Variants in PPTC7 observed in about 807,000 individuals in gnomAD.
PPTC7 encodes protein phosphatase PTC7 homolog.
Under a neutral mutation model 30.8 loss-of-function variants are expected in PPTC7, and 6 were observed. The ratio of observed to expected loss-of-function variants is 0.19; its 90% confidence interval spans 0.11 to 0.38. The LOEUF is 0.38. Among genes scored for constraint, PPTC7 ranks in the 10% least tolerant of loss-of-function variants. The pLI, the probability that PPTC7 is intolerant of heterozygous loss-of-function variation, is 1.00. For missense variants in PPTC7, 218 were observed against 404.8 expected, an observed-to-expected ratio of 0.54 and a Z score of 3.96; for synonymous variants, 163 against 168.1, an observed-to-expected ratio of 0.97 and a Z score of 0.23.
In PPTC7 at chr12:110,546,002, G is replaced by A; in HGVS notation, c.480C>T (p.Gly160=). ...CTTCACCACCCCTGACAACCAGGAA[G>A]CCTGAATCGCCCAGGTTTGCTGTGT... ...RLHTANLGDS[G]FLVVRGGEVV... Residue 160 remains glycine (G), a synonymous_variant, in exon 3 of 6, where the codon GGC becomes GGT. Transcript: ENST00000354300. 6.2e-7 allele frequency: 1 copy of A among 1,614,236 alleles called. No individual in the cohort carries two copies. The highest frequency in any genetic ancestry group is 8.5e-7 in the Non-Finnish European group (1 of 1,180,048).
chr12:110,540,779 C>CTT (rs781591348), intron 3 of PPTC7, among the ~76,000 whole-genome samples: 124 of 142,186 alleles, frequency 8.7e-4, no homozygotes, highest in African/African-American at 2.6e-3. Flanking sequence ...ACATGCCAAT[C>CTT]TTTTTTTTTT....
intron 1 of PPTC7, 105 bp from the exon 2 acceptor site, chr12:110,552,073 A>C (rs904162036): frequency 2.4e-6 from 2 of 841,250 alleles, no homozygotes; most frequent in Non-Finnish European, 3.7e-6. Context: ...ATGCTACTAC[A>C]TACATTCACT....
intron 4 of PPTC7, among the ~76,000 whole-genome samples, chr12:110,539,328 T>C (rs1002248252): frequency 1.3e-5 from 2 of 152,230 alleles, no homozygotes; most frequent in African/African-American, 4.8e-5. Context: ...GACTCATTTT[T>C]CCCAGAGTAT....
intron 1 of PPTC7, among the ~76,000 whole-genome samples, chr12:110,573,458 C>T (rs1187375732): frequency 2.6e-5 from 4 of 152,304 alleles, no homozygotes; most frequent in African/African-American, 9.6e-5. Flanking sequence ...CTATTAAAAA[C>T]TCCATTTGCA....
At chr12:110,544,595 G>T (rs1565917688) in intron 3 of PPTC7, among the ~76,000 whole-genome samples, 1 of 152,330 alleles carries the variant, frequency 6.6e-6, no homozygotes, top group African/African-American at 2.4e-5. Flanking sequence ...CAGCACTTTG[G>T]GAGGCCGAGG....
chr12:110,540,314 C>CT (rs1169413039), intron 3 of PPTC7, among the ~76,000 whole-genome samples: 2 of 134,296 alleles, frequency 1.5e-5, no homozygotes, highest in African/African-American at 2.7e-5. Context: ...ATTCCATCCC[C>CT]CCCCGCCTTT....
chr12:110,562,927 G>T (rs1404093499), intron 1 of PPTC7, among the ~76,000 whole-genome samples: 2 of 151,712 alleles, frequency 1.3e-5, no homozygotes, highest in Non-Finnish European at 2.9e-5. Flanking sequence ...TTCGAGACCA[G>T]CCTGGCCAAC....
rs1434817873 is a variant in PPTC7, at chr12:110,538,245, G to A, written c.755C>T (p.Thr252Ile). 3 of 1,613,940 alleles carry A rather than the reference G, an allele frequency of 1.9e-6. No homozygotes were observed. Among genetic ancestry groups the A allele is most frequent in the Non-Finnish European group, 2.5e-6 (3 of 1,179,894 alleles). ...AGCTTGCTCAGCAATGCTTCTGGCA[G>A]TCTGTTGTATACTCTCATAATTTGA... The part of the protein sequence containing the change: ...KNSNYESIQQ[T>I]ARSIAEQAHE... Residue 252 changes from threonine to isoleucine, a missense_variant, in exon 5 of 6, where the codon ACT becomes ATT. Thr to Ile is a moderately conservative substitution (Grantham distance 89). Coordinates refer to ENST00000354300, the MANE Select transcript of PPTC7 (RefSeq NM_139283.2).
chr12:110,550,223 ATTTTTTT>A (rs796973487), intron 2 of PPTC7, among the ~76,000 whole-genome samples: 2 of 103,028 alleles, frequency 1.9e-5, no homozygotes, highest in African/African-American at 3.8e-5. Context: ...ACAGGGGCTG[ATTTTTTT>A]TTTTTTTTTT....
intron 1 of PPTC7, among the ~76,000 whole-genome samples, chr12:110,573,116 G>C (rs536831016): frequency 5.5e-4 from 84 of 152,174 alleles, no homozygotes; most frequent in Non-Finnish European, 1.1e-3. Context: ...CTGACCTCAA[G>C]TGATCCACCT....
rs1352803857 is a variant in PPTC7, at chr12:110,582,958, C to T, written c.74G>A (p.Arg25Lys). The T allele has an allele frequency of 6.5e-7, 1 of 1,536,858 alleles. No homozygotes were observed. The highest frequency in any genetic ancestry group is 2.0e-5 in the Admixed American group (1 of 50,548). ...GTCGCCGCCGCCGCCGCCGCCGGCC[C>T]TGGGGTCGGTCTGCGAGAGGCCGCC... is the stretch of plus-strand genomic sequence containing the variant. ...VLGGLSQTDP[R>K]AGGGGGGDYG... Residue 25 changes from arginine (R) to lysine (K), a missense_variant, in exon 1 of 6, where the codon AGG becomes AAG. Physicochemically the swap from Arg to Lys is conservative, Grantham distance 26. Coordinates refer to ENST00000354300, the MANE Select transcript of PPTC7 (RefSeq NM_139283.2).
intron 1 of PPTC7, among the ~76,000 whole-genome samples, chr12:110,572,655 C>T (rs1012127857): frequency 3.3e-5 from 5 of 152,144 alleles, no homozygotes; most frequent in African/African-American, 1.2e-4. Context: ...TTTTTGCAGT[C>T]ATTTTGTAGT....
chr12:110,559,085 G>A (rs1489970116), intron 1 of PPTC7, among the ~76,000 whole-genome samples: 1 of 152,112 alleles, frequency 6.6e-6, no homozygotes, highest in Admixed American at 6.6e-5. Context: ...GTGCAGTGGT[G>A]CAAACACAGC....
intron 1 of PPTC7, among the ~76,000 whole-genome samples, chr12:110,582,557 T>A (rs2064647066): frequency 6.6e-6 from 1 of 152,160 alleles, no homozygotes; most frequent in South Asian, 2.1e-4. Context: ...CCGGTCACAC[T>A]CTCGGGTTGT....
chr12:110,549,177 G>C (rs1396972821), intron 2 of PPTC7, among the ~76,000 whole-genome samples: 1 of 152,098 alleles, frequency 6.6e-6, no homozygotes, highest in Non-Finnish European at 1.5e-5. Context: ...AACCCCTCAG[G>C]TTCTTAAGAT....
At chr12:110,544,199 A>C (rs1270373793) in intron 3 of PPTC7, among the ~76,000 whole-genome samples, 3 of 152,200 alleles carry the variant, frequency 2.0e-5, no homozygotes, top group Non-Finnish European at 4.4e-5. Flanking sequence ...TTTACCGGTA[A>C]AAGTTACTTT....
At chr12:110,577,748 T>C (rs1475269313) in intron 1 of PPTC7, among the ~76,000 whole-genome samples, 1 of 152,220 alleles carries the variant, frequency 6.6e-6, no homozygotes, top group African/African-American at 2.4e-5. Context: ...CACAGTTTCA[T>C]AATAAATACT....
intron 1 of PPTC7, among the ~76,000 whole-genome samples, chr12:110,571,198 C>G (rs2064533412): frequency 6.6e-6 from 1 of 152,044 alleles, no homozygotes; most frequent in African/African-American, 2.4e-5. Context: ...CTTATCTCAG[C>G]TTTATTAAAA....
chr12:110,579,409 C>G (rs2064617559), intron 1 of PPTC7, among the ~76,000 whole-genome samples: 1 of 152,176 alleles, frequency 6.6e-6, no homozygotes, highest in African/African-American at 2.4e-5. Flanking sequence ...ACCTTTTGGT[C>G]ACATCAGCTA....
Sources: gnomAD v4.1 joint callset for allele counts (sites outside exome capture counted in the v4.1 genomes callset) on GRCh38, gnomAD v4.1.1 for gene constraint, MANE v1.5 for transcripts, NCBI Gene and HGNC (gene_info 2026-07-23, HGNC 2026-07-21) for gene names.